ZNF665: variants seen among roughly 807,000 people sequenced by gnomAD.
The protein encoded by ZNF665 is zinc finger protein 665.
Under a neutral mutation model 7.9 loss-of-function variants are expected in ZNF665, and 6 were observed. The ratio of observed to expected loss-of-function variants is 0.76; its 90% confidence interval spans 0.42 to 1.50. The LOEUF is 1.50. Ranked by LOEUF, ZNF665 falls within the 40% of genes most tolerant of loss-of-function variation. The pLI is 0.01. For synonymous variants in ZNF665, 242 were observed against 274.5 expected, an observed-to-expected ratio of 0.88 and a Z score of 1.17; for missense variants, 819 against 806.7, an observed-to-expected ratio of 1.02 and a Z score of -0.18.
chr19:53,166,419 C>G, intron 3 of ZNF665, 72 bp from the exon 4 acceptor site: 1 of 1,313,428 alleles, frequency 7.6e-7, no homozygotes, highest in Non-Finnish European at 1.0e-6. Flanking sequence ...ATTGAAAAAC[C>G]TAATGTTACA....
intron 2 of ZNF665, 135 bp from the exon 3 acceptor site, chr19:53,175,706 G>T: frequency 2.0e-6 from 2 of 985,636 alleles, no homozygotes; most frequent in Non-Finnish European, 3.0e-6. Flanking sequence ...TGTGATCACG[G>T]TACATACAGA....
chr19:53,192,888 GGAGAGGGGTGGGGT>G (rs567319482), intron 1 of ZNF665, among the ~76,000 whole-genome samples: 18 of 152,230 alleles, frequency 1.2e-4, no homozygotes, highest in African/African-American at 4.1e-4. Flanking sequence ...CGGCGCCTTA[GGAGAGGGGTGGGGT>G]ATGCAGGATC....
intron 2 of ZNF665, chr19:53,180,999 T>C (rs1296038068): frequency 6.6e-6 from 1 of 152,160 alleles, no homozygotes; most frequent in Non-Finnish European, 1.5e-5. Flanking sequence ...AAAGAAATTA[T>C]TGGATAATTA....
At chr19:53,182,588 A>G in intron 2 of ZNF665, 1 of 722,974 alleles carries the variant, frequency 1.4e-6, no homozygotes, top group East Asian at 2.7e-5. Context: ...ATATGTCCTG[A>G]ACAATCCCTG....
chr19:53,175,529 C>A lies in ZNF665; in HGVS notation c.58G>T (p.Glu20Ter), dbSNP rs374548324. 16 of 1,610,924 alleles carry A rather than the reference C, an allele frequency of 9.9e-6. No homozygotes were observed. Among genetic ancestry groups the A allele is most frequent in the Non-Finnish European group, 1.3e-5 (15 of 1,179,154 alleles). Residue 20 changes from glutamate to a stop codon, truncating the protein, a stop_gained, in exon 3 of 4, where the codon GAG becomes TAG. Transcript: ENST00000396424. LOFTEE classifies it high-confidence loss of function. ...GCAGGGTCCAGGCATGTCCACTCCT[C>A]CTGAGAGAATTCTATGGCCACATCC... ...FKDVAIEFSQEEWTCLDPAQK... is the reference protein window; with the variant it reads ...FKDVAIEFSQ
Position 53,165,605 on chromosome 19 carries a change from A to T in ZNF665, c.885T>A (p.Cys295Ter). Residue 295 changes from cysteine to a stop codon, truncating the protein, a stop_gained, in exon 4 of 4, where the codon TGT (cysteine) becomes TGA (stop). Coordinates refer to ENST00000396424, the MANE Select transcript of ZNF665 (RefSeq NM_024733.5). LOFTEE classifies it low-confidence loss of function (END_TRUNC). Reference sequence around the variant, plus strand: ...GTGAATTTTGAGTGAAGCACTTGCCACATTCCTTACATTTGTAAGGTTTTT... The same window carrying T: ...GTGAATTTTGAGTGAAGCACTTGCCTCATTCCTTACATTTGTAAGGTTTTT... Reference protein sequence around the residue: ...TGEKPYKCKECGKCFTQNSHL... With the variant: ...TGEKPYKCKE The T allele has an allele frequency of 6.2e-7, 1 of 1,614,114 alleles. No individual in the cohort carries two copies. The highest frequency in any genetic ancestry group is 1.1e-5 in the South Asian group (1 of 91,080).
intron 1 of ZNF665, among the ~76,000 whole-genome samples, chr19:53,191,353 C>G (rs994140858): frequency 2.6e-5 from 4 of 152,172 alleles, no homozygotes; most frequent in Non-Finnish European, 5.9e-5. Flanking sequence ...CTACACATTA[C>G]CCCATCCTAG....
chr19:53,179,377 CAA>C (rs35184690), intron 2 of ZNF665, among the ~76,000 whole-genome samples: 270 of 70,414 alleles, frequency 3.8e-3, no homozygotes, highest in African/African-American at 8.5e-3. Flanking sequence ...GATTCCGTCT[CAA>C]AAAAAAAAAA....
Position 53,164,593 on chromosome 19 carries a change from T to C in ZNF665, c.1897A>G (p.Lys633Glu), listed in dbSNP as rs747399890. 8.7e-6 allele frequency: 14 copies of C among 1,614,076 alleles called. No homozygotes were observed. In the Admixed American group the frequency reaches 2.0e-4, roughly 23 times the overall value. Residue 633 changes from lysine (K) to glutamate (E), a missense_variant, in exon 4 of 4, where the codon AAA becomes GAA. Coordinates refer to ENST00000396424, the MANE Select transcript of ZNF665 (RefSeq NM_024733.5). ...EKPYRCNECGKAFSVRSTLTT... is the reference protein window; with the variant it reads ...EKPYRCNECGEAFSVRSTLTT... ...AGGGTTGAACGAACACTGAAGGCTT[T>C]CCCACACTCATTACACCTATAAGGT...
Position 53,165,901 on chromosome 19 carries a change from T to C in ZNF665, c.589A>G (p.Lys197Glu), listed in dbSNP as rs767920247. 3 of 1,614,110 alleles carry C rather than the reference T, an allele frequency of 1.9e-6. No homozygotes were observed. Residue 197 changes from lysine (K) to glutamate (E), a missense_variant, in exon 4 of 4, where the codon AAG (lysine) becomes GAG (glutamate). By Grantham distance (56) the Lys-to-Glu change is moderately conservative. Coordinates refer to ENST00000396424, the MANE Select transcript of ZNF665 (RefSeq NM_024733.5). ...FSQNSRLTSH[K>E]RIHTGEKPYQ... ...GGCTTCTCTCCAGTATGAATTCTCT[T>C]ATGACTTGTTAGCCGTGAGTTTTGA...
chr19:53,189,051 CTG>C lies in ZNF665; in HGVS notation c.-46+4259_-46+4260del, dbSNP rs60689265. Among the ~76,000 whole-genome samples the C allele has an allele frequency of 2.5e-3, 345 of 137,502 alleles. 1 individual carries two copies. Among genetic ancestry groups the C allele is most frequent in the African/African-American group, 7.0e-3 (268 of 38,266 alleles). The allele number at this position is 137,502 out of a possible 152,430, so 90.2% of individuals were successfully genotyped here. A position where few individuals can be genotyped will look rare whatever the true frequency, so the allele number is the denominator to read the frequency against. On this transcript the variant is annotated intron_variant, in intron 1 of 3. Transcript: ENST00000396424. ...AGATGAGAAAGAAAGGCTTTATTTT[CTG>C]TGTGTGTGTGTGTGTGTGTGTGTGT...
intron 1 of ZNF665, among the ~76,000 whole-genome samples, chr19:53,189,051 C>CTGTGTG (rs60689265): frequency 0.025 from 3,380 of 137,684 alleles, 71 homozygotes; most frequent in East Asian, 0.043. Flanking sequence ...GCTTTATTTT[C>CTGTGTG]TGTGTGTGTG....
chr19:53,192,307 G>A (rs1384449680), intron 1 of ZNF665, among the ~76,000 whole-genome samples: 1 of 151,840 alleles, frequency 6.6e-6, no homozygotes, highest in Non-Finnish European at 1.5e-5. Context: ...CCCCTGCTGT[G>A]GTTCTCCCTC....
chr19:53,166,826 T>G (rs889869993), intron 3 of ZNF665, among the ~76,000 whole-genome samples: 4 of 152,258 alleles, frequency 2.6e-5, no homozygotes, highest in African/African-American at 9.6e-5. Flanking sequence ...AACTAGTAAT[T>G]TTGAATTGGA....
intron 2 of ZNF665, chr19:53,179,527 G>A (rs888934355): frequency 4.6e-5 from 7 of 151,774 alleles, no homozygotes; most frequent in Admixed American, 6.6e-5. Flanking sequence ...GCTTCCAGAG[G>A]GCTGACATGT....
At chr19:53,190,909 G>A (rs559588633) in intron 1 of ZNF665, among the ~76,000 whole-genome samples, 45 of 152,330 alleles carry the variant, frequency 3.0e-4, no homozygotes, top group Admixed American at 7.8e-4. Flanking sequence ...ACTCCAGCCT[G>A]GGTGACAGAG....
At chr19:53,176,821 T>C (rs559506210) in intron 2 of ZNF665, among the ~76,000 whole-genome samples, 2 of 152,290 alleles carry the variant, frequency 1.3e-5, no homozygotes, top group East Asian at 3.9e-4. Context: ...AAGAGTACAG[T>C]AGAAGAAACT....
chr19:53,171,502 G>GTA (rs1368384374), intron 3 of ZNF665, among the ~76,000 whole-genome samples: 2 of 27,886 alleles, frequency 7.2e-5, no homozygotes, highest in African/African-American at 1.9e-4. Context: ...GTGTGTGTGT[G>GTA]TGTATATATA....
In ZNF665 at chr19:53,164,385, G is replaced by C; in HGVS notation, c.*68C>G. On this transcript the variant is annotated 3_prime_UTR_variant, in exon 4 of 4. Coordinates refer to ENST00000396424, the MANE Select transcript of ZNF665 (RefSeq NM_024733.5). ...ACTCGAGACCTCAGGTGATCCCCCC[G>C]CCTCGGCCTCCCAAAGTGCTGGGAT... 7.7e-7 allele frequency: 1 copy of C among 1,300,074 alleles called. No homozygotes were observed. The highest frequency in any genetic ancestry group is 1.0e-6 in the Non-Finnish European group (1 of 965,368). 80.5% of individuals were successfully genotyped at this position (1,300,074 alleles called of 1,614,324 possible). A position where few individuals can be genotyped will look rare whatever the true frequency, so the allele number is the denominator to read the frequency against.
Sources: allele counts gnomAD v4.1 joint callset (sites outside exome capture counted in the v4.1 genomes callset), GRCh38; gene constraint gnomAD v4.1.1; transcripts MANE v1.5; gene names NCBI Gene and HGNC (gene_info 2026-07-23, HGNC 2026-07-21).